The following FHIT variants were observed in gnomAD, a reference collection of about 807,000 sequenced individuals.
The protein encoded by FHIT is bis(5'-adenosyl)-triphosphatase.
Under a neutral mutation model 17.9 loss-of-function variants are expected in FHIT, and 19 were observed. The observed-to-expected ratio is 1.06, with a 90% CI of 0.74 to 1.56. FHIT has a LOEUF of 1.56. Ranked by LOEUF, FHIT falls within the 40% of genes most tolerant of loss-of-function variation. The pLI is 0.00. For synonymous variants in FHIT, 81 were observed against 69.7 expected (o/e 1.16, Z -0.81); for missense variants, 248 against 189.2 (o/e 1.31, Z -1.82).
At chr3:60,341,324 C>G (rs1342803536) in intron 5 of FHIT, among the ~76,000 whole-genome samples, 1 of 151,982 alleles carries the variant, frequency 6.6e-6, no homozygotes, top group Admixed American at 6.6e-5. Context: ...GTTAAATAAC[C>G]AGTACAGTTT....
chr3:60,503,847 T>A (rs2034619570), intron 5 of FHIT, among the ~76,000 whole-genome samples: 1 of 152,170 alleles, frequency 6.6e-6, no homozygotes, highest in Admixed American at 6.5e-5. Flanking sequence ...AGGGATTATC[T>A]CTGGGCAGTA....
At chr3:60,690,327 C>T in intron 4 of FHIT, 1 of 567,152 alleles carries the variant, frequency 1.8e-6, no homozygotes, top group South Asian at 1.4e-5. Context: ...CTTCTTTCAC[C>T]CTGCCAAAGA....
At chr3:61,028,612 C>A (rs1186254202) in intron 3 of FHIT, among the ~76,000 whole-genome samples, 1 of 152,198 alleles carries the variant, frequency 6.6e-6, no homozygotes, top group Non-Finnish European at 1.5e-5. Flanking sequence ...GTCCAAGTTA[C>A]TTGGCCTCTC....
In FHIT at chr3:61,179,567, G is replaced by C. The variant is rs545989491; in HGVS notation, c.-164+21050C>G. 6.6e-5 allele frequency among the ~76,000 whole-genome samples: 10 copies of C among 151,854 alleles called. No individual in the cohort carries two copies. In the South Asian group the frequency reaches 2.1e-3, roughly 32 times the overall value. On this transcript the variant is annotated intron_variant, in intron 2 of 9. Coordinates refer to ENST00000492590, the MANE Select transcript of FHIT (RefSeq NM_002012.4). ...TCTTATAAAAAACTAAATTAACCAGGTGTGGTGGTGCATACCTGTGGCCCT... is the reference window on the plus strand; with the variant it reads ...TCTTATAAAAAACTAAATTAACCAGCTGTGGTGGTGCATACCTGTGGCCCT...
Position 61,147,315 on chromosome 3 carries a change from A to G in FHIT, c.-164+53302T>C, listed in dbSNP as rs937712964. Among the ~76,000 whole-genome samples the G allele has an allele frequency of 2.0e-5, 3 of 152,090 alleles. No homozygotes were observed. In the East Asian group the frequency reaches 5.8e-4, roughly 29 times the overall value. On this transcript the variant is annotated intron_variant, in intron 2 of 9. Transcript: ENST00000492590. ...GGAGCTTAGGCGAGATAATAACTAT[A>G]TAATACATTAGGCAACTCACACTGC...
chr3:60,098,114 C>CGG lies in FHIT; in HGVS notation c.104-83963_104-83962insCC, dbSNP rs1160259580. Among the ~76,000 whole-genome samples, 907 of 142,336 alleles carry CGG rather than the reference C, an allele frequency of 6.4e-3. 5 individuals are homozygous for CGG. Among genetic ancestry groups the CGG allele is most frequent in the Non-Finnish European group, 9.3e-3 (609 of 65,140 alleles). The allele number at this position is 142,336 out of a possible 152,430, so 93.4% of individuals were successfully genotyped here. A position where few individuals can be genotyped will look rare whatever the true frequency, so the allele number is the denominator to read the frequency against. Reference sequence around the variant, plus strand: ...CCACGTTTTCTTAATCCAGTCTATCCTTGTTGGACATTTGGGTTGGTTCCA... The same window carrying CGG: ...CCACGTTTTCTTAATCCAGTCTATCCGGTTGTTGGACATTTGGGTTGGTTCCA... On this transcript the variant is annotated intron_variant, in intron 5 of 9. Coordinates refer to ENST00000492590, the MANE Select transcript of FHIT (RefSeq NM_002012.4).
intron 3 of FHIT, among the ~76,000 whole-genome samples, chr3:61,014,264 C>T (rs1217085988): frequency 2.0e-5 from 3 of 152,140 alleles, no homozygotes. Flanking sequence ...GACTAGAAAA[C>T]ATATTGTTAC....
intron 5 of FHIT, among the ~76,000 whole-genome samples, chr3:60,302,719 T>G (rs1395670115): frequency 6.6e-6 from 1 of 152,188 alleles, no homozygotes; most frequent in African/African-American, 2.4e-5. Flanking sequence ...TATACCTGAT[T>G]TGAGAATATT....
intron 8 of FHIT, among the ~76,000 whole-genome samples, chr3:59,780,770 G>A (rs1026934189): frequency 9.2e-5 from 14 of 152,066 alleles, no homozygotes; most frequent in East Asian, 3.9e-4. Context: ...CCATGTTAGC[G>A]CCCTGATATT....
intron 8 of FHIT, among the ~76,000 whole-genome samples, chr3:59,903,488 C>G (rs1704431252): frequency 6.6e-6 from 1 of 152,160 alleles, no homozygotes; most frequent in Non-Finnish European, 1.5e-5. Flanking sequence ...AGCTTCATGT[C>G]TGAGACAAAG....
At chr3:60,548,280 C>G (rs374844872) in intron 4 of FHIT, among the ~76,000 whole-genome samples, 1 of 152,012 alleles carries the variant, frequency 6.6e-6, no homozygotes, top group African/African-American at 2.4e-5. Context: ...TTAGGCAATC[C>G]CTTTGCACTA....
intron 8 of FHIT, among the ~76,000 whole-genome samples, chr3:59,841,403 C>T (rs1701529502): frequency 6.6e-6 from 1 of 152,200 alleles, no homozygotes; most frequent in African/African-American, 2.4e-5. Context: ...CAGTGAGCTG[C>T]TTCCCTAAAG....
At chr3:59,909,581 C>G (rs1456003782) in intron 8 of FHIT, among the ~76,000 whole-genome samples, 3 of 152,196 alleles carry the variant, frequency 2.0e-5, no homozygotes, top group African/African-American at 7.2e-5. Context: ...CCGTCCGCCT[C>G]TATCCCAGGG....
At chr3:60,205,336 T>C (rs1004448806) in intron 5 of FHIT, among the ~76,000 whole-genome samples, 5 of 152,200 alleles carry the variant, frequency 3.3e-5, no homozygotes, top group African/African-American at 4.8e-5. Flanking sequence ...GATATGTATA[T>C]ATAAATACAC....
At chr3:60,607,936 T>C (rs1345845096) in intron 4 of FHIT, among the ~76,000 whole-genome samples, 1 of 152,166 alleles carries the variant, frequency 6.6e-6, no homozygotes, top group Non-Finnish European at 1.5e-5. Context: ...TCTTACCTAA[T>C]ACTCAAGCCC....
At chr3:60,992,049 A>C (rs2030271791) in intron 3 of FHIT, among the ~76,000 whole-genome samples, 1 of 152,224 alleles carries the variant, frequency 6.6e-6, no homozygotes. Context: ...TCAGATGCTC[A>C]CCAACAGGAA....
intron 5 of FHIT, among the ~76,000 whole-genome samples, chr3:60,286,128 C>T (rs961637588): frequency 6.6e-6 from 1 of 152,148 alleles, no homozygotes; most frequent in Non-Finnish European, 1.5e-5. Flanking sequence ...TATTCTCTAT[C>T]CTAGTTTCAA....
intron 5 of FHIT, among the ~76,000 whole-genome samples, chr3:60,074,116 GAC>G (rs1702902480): frequency 6.6e-6 from 1 of 152,078 alleles, no homozygotes; most frequent in Non-Finnish European, 1.5e-5. Context: ...GAGGGTGACA[GAC>G]ACATGGACTT....
intron 8 of FHIT, among the ~76,000 whole-genome samples, chr3:59,860,587 G>A (rs1159696562): frequency 2.0e-5 from 3 of 152,178 alleles, no homozygotes; most frequent in East Asian, 3.8e-4. Context: ...TGTTTACCTT[G>A]TTTGTTTGAT....
Sources: allele counts gnomAD v4.1 joint callset (sites outside exome capture counted in the v4.1 genomes callset), GRCh38; gene constraint gnomAD v4.1.1; transcripts MANE v1.5; gene names NCBI Gene and HGNC (gene_info 2026-07-23, HGNC 2026-07-21).